The following ST7L variants were observed in gnomAD, a reference collection of about 807,000 sequenced individuals.
ST7L encodes the protein suppressor of tumorigenicity 7 protein-like.
In ST7L, 57 loss-of-function variants were observed where a neutral mutation model predicts 72.5. That is an observed-to-expected ratio of 0.79 (90% CI 0.64 to 0.98). ST7L has a LOEUF of 0.98. Ranked by LOEUF, ST7L falls within the 50% of genes least tolerant of loss-of-function variation. The pLI is 0.00. For synonymous variants in ST7L, 221 were observed against 240.9 expected (o/e 0.92, Z 0.77); for missense variants, 576 against 672.2 (o/e 0.86, Z 1.58).
intron 1 of ST7L, among the ~76,000 whole-genome samples, chr1:112,617,759 A>C (rs1670140891): frequency 6.7e-6 from 1 of 149,144 alleles, no homozygotes; most frequent in African/African-American, 2.5e-5. Context: ...ACACACACGA[A>C]ACGTAAAAAA....
At chr1:112,608,404 C>T (rs1668594611) in intron 3 of ST7L, among the ~76,000 whole-genome samples, 1 of 152,116 alleles carries the variant, frequency 6.6e-6, no homozygotes, top group Non-Finnish European at 1.5e-5. Flanking sequence ...ACCACTCTTT[C>T]TTTTCTGTCA....
intron 11 of ST7L, among the ~76,000 whole-genome samples, chr1:112,561,610 A>G (rs1389015279): frequency 6.6e-6 from 1 of 151,598 alleles, no homozygotes. Flanking sequence ...CCTCCTGAGT[A>G]GCTGGGATTA....
At chr1:112,550,224 T>C (rs1433474590) in intron 13 of ST7L, among the ~76,000 whole-genome samples, 3 of 152,232 alleles carry the variant, frequency 2.0e-5, no homozygotes, top group African/African-American at 4.8e-5. Flanking sequence ...TGTTGTTTTA[T>C]AGTATTTTTA....
intron 10 of ST7L, among the ~76,000 whole-genome samples, chr1:112,577,348 GAGAAACCCCGTCTC>G (rs1663275811): frequency 6.6e-6 from 1 of 151,262 alleles, no homozygotes; most frequent in African/African-American, 2.4e-5. Context: ...GACCAACATG[GAGAAACCCCGTCTC>G]TACTACAAAT....
intron 4 of ST7L, among the ~76,000 whole-genome samples, chr1:112,599,127 TACACACACACACACACACAC>T (rs71084480): frequency 1.9e-5 from 2 of 103,824 alleles, no homozygotes; most frequent in East Asian, 3.2e-4. Flanking sequence ...TGTGTGTGTA[TACACACACACACACACACAC>T]ACACACACAC....
chr1:112,548,306 C>A (rs1028030845), intron 13 of ST7L, among the ~76,000 whole-genome samples: 1 of 151,946 alleles, frequency 6.6e-6, no homozygotes, highest in Non-Finnish European at 1.5e-5. Context: ...TGCAGTGAGC[C>A]GAGATCAGAC....
intron 13 of ST7L, among the ~76,000 whole-genome samples, chr1:112,544,005 C>T (rs1375213643): frequency 6.6e-6 from 1 of 151,282 alleles, no homozygotes; most frequent in Non-Finnish European, 1.5e-5. Flanking sequence ...TTGGATATTT[C>T]GTTATCAATT....
Position 112,609,177 on chromosome 1 carries a change from A to C in ST7L, c.451+1664T>G, listed in dbSNP as rs553033074. On this transcript the variant is annotated intron_variant, in intron 3 of 14. Coordinates refer to ENST00000358039, the MANE Select transcript of ST7L (RefSeq NM_017744.5). ...CCTCATCTCTATTAAAATAATAATAATAATAATTGTATTTGGCTTTGTAAA... is the reference window on the plus strand; with the variant it reads ...CCTCATCTCTATTAAAATAATAATACTAATAATTGTATTTGGCTTTGTAAA... Among the ~76,000 whole-genome samples the C allele has an allele frequency of 4.2e-4, 64 of 152,086 alleles. 3 individuals carry two copies. In the South Asian group the frequency reaches 0.013, roughly 30 times the overall value.
intron 12 of ST7L, among the ~76,000 whole-genome samples, chr1:112,554,688 A>T (rs1465697142): frequency 9.2e-5 from 14 of 152,220 alleles, no homozygotes; most frequent in Admixed American, 9.2e-4. Flanking sequence ...TTGTAGCAGC[A>T]TTATTCACAA....
At chr1:112,610,347 A>G (rs1668884493) in intron 3 of ST7L, 2 of 152,638 alleles carry the variant, frequency 1.3e-5, no homozygotes, top group East Asian at 3.9e-4. Flanking sequence ...TGGGTATCTG[A>G]TGATTATTGT....
chr1:112,581,255 AT>A (rs1558013840), intron 9 of ST7L, among the ~76,000 whole-genome samples: 1 of 152,184 alleles, frequency 6.6e-6, no homozygotes, highest in Non-Finnish European at 1.5e-5. Context: ...TCCAAAACAA[AT>A]AAGGTACCCC....
intron 13 of ST7L, among the ~76,000 whole-genome samples, chr1:112,542,801 C>T (rs1428845182): frequency 6.6e-6 from 1 of 150,936 alleles, no homozygotes; most frequent in African/African-American, 2.4e-5. Flanking sequence ...ATTTGAGTTG[C>T]TACTTTTTTT....
At chr1:112,540,422 T>C (rs1655920322) in intron 14 of ST7L, 2 of 985,454 alleles carry the variant, frequency 2.0e-6, no homozygotes, top group Non-Finnish European at 2.4e-6. Context: ...CTACTGCAAA[T>C]AACAGTTATG....
At position 112,525,968 on chromosome 1, in the gene ST7L, G is replaced by C; in HGVS notation, c.*45C>G. On this transcript the variant is annotated 3_prime_UTR_variant, in exon 15 of 15. Transcript: ENST00000358039. ...ACTGTCACTTTACAGATGCTGTTCAGAAAAATTTGGTGATTTGTCCAAGGT... is the reference window on the plus strand; with the variant it reads ...ACTGTCACTTTACAGATGCTGTTCACAAAAATTTGGTGATTTGTCCAAGGT... The C allele has an allele frequency of 6.2e-7, 1 of 1,611,374 alleles. No homozygotes were observed. The highest frequency in any genetic ancestry group is 8.5e-7 in the Non-Finnish European group (1 of 1,177,950).
intron 14 of ST7L, chr1:112,529,630 A>G (rs527857908): frequency 2.0e-5 from 3 of 152,270 alleles, no homozygotes; most frequent in Non-Finnish European, 4.4e-5. Flanking sequence ...CTCAACTTGT[A>G]TAACTGGTTA....
intron 10 of ST7L, among the ~76,000 whole-genome samples, chr1:112,577,965 T>A (rs555914548): frequency 9.8e-5 from 15 of 152,332 alleles, no homozygotes; most frequent in African/African-American, 3.1e-4. Flanking sequence ...TACTACACAC[T>A]TTATCATCAT....
chr1:112,573,411 A>T (rs1662503610), intron 11 of ST7L, among the ~76,000 whole-genome samples: 1 of 151,910 alleles, frequency 6.6e-6, no homozygotes, highest in Non-Finnish European at 1.5e-5. Context: ...TGCAAATACT[A>T]ATATGGCAAT....
intron 14 of ST7L, among the ~76,000 whole-genome samples, chr1:112,538,531 G>C (rs1655578550): frequency 6.6e-6 from 1 of 152,158 alleles, no homozygotes; most frequent in African/African-American, 2.4e-5. Context: ...ATTTGGAAGA[G>C]ATGGGGTTTC....
chr1:112,531,918 A>G (rs1654451608), intron 14 of ST7L, among the ~76,000 whole-genome samples: 1 of 152,232 alleles, frequency 6.6e-6, no homozygotes, highest in Non-Finnish European at 1.5e-5. Context: ...TCAATAAGCC[A>G]ACATTCAAAG....
Sources: gnomAD v4.1 joint callset for allele counts (sites outside exome capture counted in the v4.1 genomes callset) on GRCh38, gnomAD v4.1.1 for gene constraint, MANE v1.5 for transcripts, NCBI Gene and HGNC (gene_info 2026-07-23, HGNC 2026-07-21) for gene names.